Variants in TMPRSS11D observed in about 807,000 individuals in gnomAD.
TMPRSS11D encodes transmembrane protease serine 11D.
In TMPRSS11D, 32 loss-of-function variants were observed where a neutral mutation model predicts 44.4. The ratio of observed to expected loss-of-function variants is 0.72; its 90% CI spans 0.54 to 0.97. The LOEUF (loss-of-function observed/expected upper bound fraction) is 0.97. Among genes scored for constraint, TMPRSS11D ranks in the 50% least tolerant of loss-of-function variants. The pLI, the probability that TMPRSS11D is intolerant of heterozygous loss-of-function variation, is 0.00. For missense variants in TMPRSS11D, 446 were observed against 502.6 expected (o/e 0.89, Z 1.08); for synonymous variants, 179 against 177.9 (o/e 1.01, Z -0.05).
chr4:67,881,198 A>G (rs1389389891), intron 1 of TMPRSS11D, among the ~76,000 whole-genome samples: 1 of 152,190 alleles, frequency 6.6e-6, no homozygotes. Context: ...TATTGAATGA[A>G]TCCCTTCCTT....
chr4:67,845,975 A>G (rs1018879388), intron 3 of TMPRSS11D, among the ~76,000 whole-genome samples: 14 of 152,168 alleles, frequency 9.2e-5, no homozygotes, highest in Non-Finnish European at 1.9e-4. Context: ...CTGTGAATAT[A>G]TCAGATTAAT....
intron 2 of TMPRSS11D, among the ~76,000 whole-genome samples, chr4:67,858,667 T>C (rs1162508690): frequency 6.6e-6 from 1 of 152,100 alleles, no homozygotes; most frequent in Admixed American, 6.6e-5. Flanking sequence ...CACTCACACA[T>C]ACCCATGTAC....
chr4:67,854,074 T>G lies in TMPRSS11D; in HGVS notation c.243A>C (p.Glu81Asp), dbSNP rs1351602573. 6.6e-6 allele frequency: 10 copies of G among 1,522,574 alleles called. No individual in the cohort carries two copies. In the Admixed American group the frequency reaches 1.8e-4, roughly 28 times the overall value. The allele number at this position is 1,522,574 out of a possible 1,614,324, so 94.3% of individuals were successfully genotyped here. Residue 81 changes from glutamate to aspartate, a missense_variant, in exon 3 of 10, where the codon GAA becomes GAC. Physicochemically the swap from Glu to Asp is conservative, Grantham distance 45. Transcript: ENST00000283916. ...AAGACAAATATTAACTTACCAGAGA[T>G]TCAATTCTTCCACTCAAAGTCCTGT... ...QEYRTLSGRI[E>D]SLITKTFKES...
At chr4:67,831,109 T>C (rs1717933607) in intron 7 of TMPRSS11D, among the ~76,000 whole-genome samples, 1 of 152,052 alleles carries the variant, frequency 6.6e-6, no homozygotes, top group South Asian at 2.1e-4. Flanking sequence ...AACTCTACAC[T>C]AGTGAAGGAA....
chr4:67,842,899 C>T (rs1718265439), intron 3 of TMPRSS11D, among the ~76,000 whole-genome samples: 1 of 152,104 alleles, frequency 6.6e-6, no homozygotes, highest in Non-Finnish European at 1.5e-5. Flanking sequence ...ATGTTTTACT[C>T]AATGAGAGAT....
At chr4:67,852,643 A>G (rs929992458) in intron 3 of TMPRSS11D, among the ~76,000 whole-genome samples, 3 of 152,226 alleles carry the variant, frequency 2.0e-5, no homozygotes, top group Non-Finnish European at 4.4e-5. Context: ...GAAGTTAGAT[A>G]TATCATTTAA....
At chr4:67,855,558 A>G (rs1005031626) in intron 2 of TMPRSS11D, among the ~76,000 whole-genome samples, 1 of 152,126 alleles carries the variant, frequency 6.6e-6, no homozygotes, top group Non-Finnish European at 1.5e-5. Flanking sequence ...CCTCAACAAC[A>G]TAAAGGCTGA....
intron 1 of TMPRSS11D, among the ~76,000 whole-genome samples, 184 bp from the exon 2 acceptor site, chr4:67,859,862 GT>G (rs897640915): frequency 2.1e-4 from 32 of 150,044 alleles, no homozygotes; most frequent in Non-Finnish European, 4.6e-4. Flanking sequence ...TTTCTTTCAA[GT>G]TTTTTTTTTC....
At chr4:67,837,981 C>A in intron 5 of TMPRSS11D, 191 bp downstream of exon 5, 1 of 431,448 alleles carries the variant, frequency 2.3e-6, no homozygotes, top group Non-Finnish European at 4.0e-6. Flanking sequence ...TATATAAATG[C>A]CAAATGATTC....
At chr4:67,844,796 G>A (rs1718320570) in intron 3 of TMPRSS11D, among the ~76,000 whole-genome samples, 1 of 151,884 alleles carries the variant, frequency 6.6e-6, no homozygotes. Context: ...GGAAAAAAAA[G>A]AAGAAGGCAA....
At chr4:67,877,081 C>T (rs574712625) in intron 1 of TMPRSS11D, among the ~76,000 whole-genome samples, 4 of 152,190 alleles carry the variant, frequency 2.6e-5, no homozygotes, top group South Asian at 2.1e-4. Flanking sequence ...TAACTTGAAA[C>T]GGGCGATAGG....
intron 1 of TMPRSS11D, among the ~76,000 whole-genome samples, chr4:67,881,664 C>T (rs978651943): frequency 6.6e-6 from 1 of 152,130 alleles, no homozygotes; most frequent in Non-Finnish European, 1.5e-5. Flanking sequence ...ATTTGGAATG[C>T]GTTTTTGACA....
chr4:67,834,440 A>T lies in TMPRSS11D; in HGVS notation c.514+643T>A, dbSNP rs911099132. ...GCTGAAAAACACCCATAGGACTACC[A>T]TCACTTTGTAAAATCACTGAAGTAC... is the stretch of plus-strand genomic sequence containing the variant. On this transcript the variant is annotated intron_variant, in intron 6 of 9. Coordinates refer to ENST00000283916, the MANE Select transcript of TMPRSS11D (RefSeq NM_004262.3). Among the ~76,000 whole-genome samples, 15 of 152,178 alleles carry T rather than the reference A, an allele frequency of 9.9e-5. 1 individual carries two copies. Among genetic ancestry groups the T allele is most frequent in the African/African-American group, 3.4e-4 (14 of 41,432 alleles).
At chr4:67,883,896 TA>T in intron 1 of TMPRSS11D, 29 bp downstream of exon 1, 1 of 1,581,396 alleles carries the variant, frequency 6.3e-7, no homozygotes, top group African/African-American at 1.4e-5. Context: ...GTAAAACTTT[TA>T]AAGCTACAAA....
intron 3 of TMPRSS11D, among the ~76,000 whole-genome samples, chr4:67,843,773 A>C (rs1718292676): frequency 6.6e-6 from 1 of 152,078 alleles, no homozygotes; most frequent in Admixed American, 6.5e-5. Flanking sequence ...AATACAAAAA[A>C]TTAGCTAGGC....
At chr4:67,854,972 A>G (rs1310386923) in intron 2 of TMPRSS11D, among the ~76,000 whole-genome samples, 1 of 150,892 alleles carries the variant, frequency 6.6e-6, no homozygotes, top group South Asian at 2.1e-4. Context: ...AAAAAATACT[A>G]CAGGCCGGGT....
At chr4:67,828,059 C>CAT (rs33919891) in intron 7 of TMPRSS11D, among the ~76,000 whole-genome samples, 1 of 150,604 alleles carries the variant, frequency 6.6e-6, no homozygotes, top group Non-Finnish European at 1.5e-5. Flanking sequence ...TGTGTGTGTG[C>CAT]ATATATATAC....
intron 7 of TMPRSS11D, 78 bp downstream of exon 7, chr4:67,833,126 A>T (rs979329677): frequency 3.2e-6 from 4 of 1,248,036 alleles, no homozygotes; most frequent in Non-Finnish European, 4.1e-6. Context: ...GCTCAATTCA[A>T]TCCTAGGGTA....
chr4:67,842,715 G>T, intron 3 of TMPRSS11D, 90 bp from the exon 4 acceptor site: 1 of 1,195,808 alleles, frequency 8.4e-7, no homozygotes, highest in Non-Finnish European at 1.2e-6. Flanking sequence ...ATGTTAATGA[G>T]GAGTAGAAAA....
Sources: allele counts gnomAD v4.1 joint callset (sites outside exome capture counted in the v4.1 genomes callset), GRCh38; gene constraint gnomAD v4.1.1; transcripts MANE v1.5; gene names NCBI Gene and HGNC (gene_info 2026-07-23, HGNC 2026-07-21).